The following TMPO variants were observed in gnomAD, a reference collection of about 807,000 sequenced individuals.
The protein encoded by TMPO is thymopoietin.
In TMPO, 22 loss-of-function variants were observed where a neutral mutation model predicts 45.4. The observed-to-expected ratio is 0.48, with a 90% CI of 0.35 to 0.69. TMPO has a LOEUF of 0.69. Ranked by LOEUF, TMPO falls within the 30% of genes least tolerant of loss-of-function variation. The pLI is 0.01. For synonymous variants in TMPO, 241 were observed against 204.1 expected (o/e 1.18, Z -1.54); for missense variants, 512 against 548.8 (o/e 0.93, Z 0.67).
chr12:98,520,201 C>G (rs958983637), intron 1 of TMPO, among the ~76,000 whole-genome samples: 3 of 151,866 alleles, frequency 2.0e-5, no homozygotes, highest in African/African-American at 7.3e-5. Flanking sequence ...CTCAGTTGAT[C>G]CACCCGCCTG....
At position 98,547,759 on chromosome 12, in the gene TMPO, T is replaced by G; in HGVS notation, c.1266T>G (p.Val422=). The G allele has an allele frequency of 6.2e-7, 1 of 1,614,210 alleles. No individual in the cohort carries two copies. Among genetic ancestry groups the G allele is most frequent in the South Asian group, 1.1e-5 (1 of 91,084 alleles). ...GGATAAAAATTTTGCTGTTTGTTGT[T>G]GTGGCAGTTTTTTTGTTTTTGGTCT... The part of the protein sequence containing the change: ...PVWIKILLFV[V]VAVFLFLVYQ... Residue 422 remains valine, a synonymous_variant, in exon 9 of 9, where the codon GTT becomes GTG. Transcript: ENST00000556029.
chr12:98,517,162 T>G (rs1008468542), intron 1 of TMPO, among the ~76,000 whole-genome samples: 29 of 152,200 alleles, frequency 1.9e-4, no homozygotes, highest in African/African-American at 6.8e-4. Flanking sequence ...TCCCCACATA[T>G]TGGTAAATTT....
chr12:98,520,309 C>CCTTCCTTCCTTCCTTCCTTCCTTCCG (rs1555202290), intron 1 of TMPO, among the ~76,000 whole-genome samples: 7 of 145,018 alleles, frequency 4.8e-5, no homozygotes, highest in Admixed American at 6.9e-5. Context: ...TTCCTTCCTT[C>CCTTCCTTCCTTCCTTCCTTCCTTCCG]TGTGTGTGTG....
At chr12:98,521,667 G>T (rs1876376721) in intron 1 of TMPO, among the ~76,000 whole-genome samples, 1 of 152,198 alleles carries the variant, frequency 6.6e-6, no homozygotes, top group Admixed American at 6.5e-5. Flanking sequence ...AAGAGGCAGA[G>T]CCTGAAGGTG....
chr12:98,525,408 G>A (rs1369419813), intron 1 of TMPO, among the ~76,000 whole-genome samples: 1 of 152,130 alleles, frequency 6.6e-6, no homozygotes, highest in Non-Finnish European at 1.5e-5. Flanking sequence ...TTAGCCATTA[G>A]CAGCTTTTTA....
chr12:98,532,227 C>T, intron 3 of TMPO: 1 of 178,546 alleles, frequency 5.6e-6, no homozygotes, highest in Non-Finnish European at 1.2e-5. Flanking sequence ...ACACATCTGT[C>T]TAATACATGG....
chr12:98,516,424 T>C (rs1363406076), intron 1 of TMPO: 2 of 1,166,726 alleles, frequency 1.7e-6, no homozygotes, highest in Non-Finnish European at 2.1e-6. Context: ...TCGACGCCGC[T>C]TCCCTGGACC....
chr12:98,548,153 G>T lies in TMPO; in HGVS notation c.*295G>T. 3.6e-6 allele frequency: 1 copy of T among 278,296 alleles called. No individual in the cohort carries two copies. The highest frequency in any genetic ancestry group is 5.4e-5 in the South Asian group (1 of 18,636). 17.2% of individuals were successfully genotyped at this position (278,296 alleles called of 1,614,324 possible). A position where few individuals can be genotyped will look rare whatever the true frequency, so the allele number is the denominator to read the frequency against. ...CATCTTATTTCATTTTTGAAAAAAT[G>T]TATATGTTTTTTGTGTATTTGGGAA... is the stretch of plus-strand genomic sequence containing the variant. On this transcript the variant is annotated 3_prime_UTR_variant, in exon 9 of 9. Coordinates refer to ENST00000556029, the MANE Select transcript of TMPO (RefSeq NM_001032283.3).
chr12:98,536,420 C>T (rs1289159318), intron 3 of TMPO, among the ~76,000 whole-genome samples: 1 of 151,496 alleles, frequency 6.6e-6, no homozygotes, highest in Non-Finnish European at 1.5e-5. Flanking sequence ...ATGGTGTGAT[C>T]TCAGCTCGCT....
chr12:98,518,145 C>CAAA (rs35978276), intron 1 of TMPO, among the ~76,000 whole-genome samples: 77 of 98,294 alleles, frequency 7.8e-4, no homozygotes, highest in Non-Finnish European at 1.3e-3. Context: ...GACTTCGTCT[C>CAAA]AAAAAAAAAA....
At chr12:98,540,166 G>C (rs976707520) in intron 4 of TMPO, among the ~76,000 whole-genome samples, 1 of 152,128 alleles carries the variant, frequency 6.6e-6, no homozygotes, top group African/African-American at 2.4e-5. Flanking sequence ...TTCTGGATTT[G>C]TTAGGTTGCT....
At chr12:98,531,517 G>C (rs1017458869) in intron 2 of TMPO, among the ~76,000 whole-genome samples, 163 bp from the exon 3 acceptor site, 3 of 151,904 alleles carry the variant, frequency 2.0e-5, no homozygotes, top group Admixed American at 1.3e-4. Context: ...TTACAGTCGT[G>C]AGCCACTATG....
chr12:98,548,000 A>G lies in TMPO; in HGVS notation c.*142A>G. ...TGTAGTATTTCATTGAAAAGCAAAC[A>G]AAATATATATAAATGGACTTCATTA... On this transcript the variant is annotated 3_prime_UTR_variant, in exon 9 of 9. Coordinates refer to ENST00000556029, the MANE Select transcript of TMPO (RefSeq NM_001032283.3). 1 of 946,956 alleles carries G rather than the reference A, an allele frequency of 1.1e-6. No individual in the cohort carries two copies. Among genetic ancestry groups the G allele is most frequent in the Non-Finnish European group, 1.6e-6 (1 of 634,482 alleles). 58.7% of individuals were successfully genotyped at this position (946,956 alleles called of 1,614,324 possible).
At position 98,544,386 on chromosome 12, in the gene TMPO, T is replaced by C. The variant is rs1274661014; in HGVS notation, c.783+37T>C. 3 of 1,613,572 alleles carry C rather than the reference T, an allele frequency of 1.9e-6. No homozygotes were observed. In the South Asian group the frequency reaches 3.3e-5, roughly 18 times the overall value. On this transcript the variant is annotated intron_variant, in intron 5 of 8. Transcript: ENST00000556029. The stretch of plus-strand genomic sequence containing the variant: ...CTTATTCCTTGGGTTTTCAGATTTG[T>C]AGGGTTTTAGTATTATTTTATATTT...
chr12:98,517,990 C>T (rs1223891252), intron 1 of TMPO, among the ~76,000 whole-genome samples: 1 of 152,046 alleles, frequency 6.6e-6, no homozygotes, highest in Non-Finnish European at 1.5e-5. Context: ...TGGTGAAACC[C>T]CGTTTCTACT....
intron 1 of TMPO, among the ~76,000 whole-genome samples, chr12:98,517,682 ATAG>A (rs1875969788): frequency 6.6e-6 from 1 of 152,274 alleles, no homozygotes; most frequent in African/African-American, 2.4e-5. Flanking sequence ...TGTCTGGCAC[ATAG>A]TAGTGCCAAA....
chr12:98,545,138 T>G, intron 7 of TMPO, 77 bp downstream of exon 7: 2 of 1,213,780 alleles, frequency 1.6e-6, no homozygotes, highest in South Asian at 1.3e-5. Flanking sequence ...TGTTTTTTTT[T>G]TTTTTTTTTG....
At chr12:98,519,905 A>C (rs1876201250) in intron 1 of TMPO, among the ~76,000 whole-genome samples, 1 of 151,916 alleles carries the variant, frequency 6.6e-6, no homozygotes, top group Non-Finnish European at 1.5e-5. Context: ...GGTCATTTTT[A>C]GCCCCATATA....
chr12:98,534,820 T>A (rs1877471803), intron 3 of TMPO: 1 of 1,002,244 alleles, frequency 1.0e-6, no homozygotes, highest in African/African-American at 1.7e-5. Flanking sequence ...TTTGCTCATA[T>A]TTTCTTACTT....
Sources: gnomAD v4.1 joint callset for allele counts (sites outside exome capture counted in the v4.1 genomes callset) on GRCh38, gnomAD v4.1.1 for gene constraint, MANE v1.5 for transcripts, NCBI Gene and HGNC (gene_info 2026-07-23, HGNC 2026-07-21) for gene names.